MOB3B: variants seen among roughly 807,000 people sequenced by gnomAD.
MOB3B encodes the protein MOB kinase activator 3B.
A neutral mutation model predicts 18.7 loss-of-function variants in MOB3B; 7 were observed. That is an observed-to-expected ratio of 0.37 (90% CI 0.21 to 0.70). The LOEUF (loss-of-function observed/expected upper bound fraction) is 0.70. Among genes scored for constraint, MOB3B ranks in the 30% least tolerant of loss-of-function variants. MOB3B has a pLI of 0.52. For synonymous variants in MOB3B, 111 were observed against 99.9 expected (o/e 1.11, Z -0.66); for missense variants, 253 against 281.3 (o/e 0.90, Z 0.72).
chr9:27,360,334 T>C, intron 2 of MOB3B, among the ~76,000 whole-genome samples: 1 of 152,082 alleles, frequency 6.6e-6, no homozygotes, highest in East Asian at 1.9e-4. Flanking sequence ...TGAAACACTA[T>C]CTCTACTAAA....
At chr9:27,437,752 G>A (rs1427960725) in intron 2 of MOB3B, among the ~76,000 whole-genome samples, 1 of 152,144 alleles carries the variant, frequency 6.6e-6, no homozygotes, top group East Asian at 1.9e-4. Flanking sequence ...GGACACATCT[G>A]CCTGCCTTAT....
At chr9:27,522,433 ATATATATATATATGCATATGTC>A in intron 1 of MOB3B, among the ~76,000 whole-genome samples, 1 of 148,972 alleles carries the variant, frequency 6.7e-6, no homozygotes, top group South Asian at 2.1e-4. Context: ...ATATATATAT[ATATATATATATATGCATATGTC>A]TATATTTAAC....
intron 2 of MOB3B, among the ~76,000 whole-genome samples, chr9:27,435,480 C>T (rs1456414011): frequency 6.6e-6 from 1 of 152,172 alleles, no homozygotes; most frequent in African/African-American, 2.4e-5. Flanking sequence ...CCTTGCCCCT[C>T]CCCAGTCTGT....
intron 1 of MOB3B, among the ~76,000 whole-genome samples, chr9:27,495,083 C>T (rs572722486): frequency 3.6e-4 from 55 of 152,198 alleles, no homozygotes; most frequent in African/African-American, 1.3e-3. Context: ...AATTCCAGCA[C>T]TTTAGGAGGC....
chr9:27,496,439 T>C (rs562594002), intron 1 of MOB3B, among the ~76,000 whole-genome samples: 8 of 152,232 alleles, frequency 5.3e-5, no homozygotes, highest in Non-Finnish European at 1.2e-4. Context: ...GGGCCTGCCT[T>C]CCTATGGCTC....
At chr9:27,337,698 T>C (rs896430464) in intron 3 of MOB3B, among the ~76,000 whole-genome samples, 1 of 152,216 alleles carries the variant, frequency 6.6e-6, no homozygotes, top group Non-Finnish European at 1.5e-5. Flanking sequence ...TGGGCCCATT[T>C]GAAATCCTCT....
intron 3 of MOB3B, among the ~76,000 whole-genome samples, chr9:27,357,888 CAAAAAAAAAAAAAAAA>C (rs58851638): frequency 2.4e-4 from 14 of 57,966 alleles, no homozygotes; most frequent in South Asian, 1.2e-3. Context: ...CCCATCGCTA[CAAAAAAAAAAAAAAAA>C]AAAAAAAAAA....
intron 1 of MOB3B, among the ~76,000 whole-genome samples, chr9:27,491,560 T>C (rs1053809564): frequency 3.3e-5 from 5 of 152,202 alleles, no homozygotes; most frequent in Non-Finnish European, 5.9e-5. Context: ...TATTCTAAAT[T>C]AGAAAGATAA....
intron 1 of MOB3B, among the ~76,000 whole-genome samples, chr9:27,461,782 T>C (rs1399556417): frequency 6.6e-6 from 1 of 152,218 alleles, no homozygotes; most frequent in Non-Finnish European, 1.5e-5. Flanking sequence ...TTATACACTG[T>C]AGCAGCAGCA....
intron 1 of MOB3B, chr9:27,524,687 A>T: frequency 6.2e-7 from 1 of 1,614,072 alleles, no homozygotes; most frequent in Non-Finnish European, 8.5e-7. Flanking sequence ...TCCAAATAGG[A>T]CTTGATCAGC....
At chr9:27,504,114 A>G (rs748513617) in intron 1 of MOB3B, among the ~76,000 whole-genome samples, 1 of 152,248 alleles carries the variant, frequency 6.6e-6, no homozygotes, top group Non-Finnish European at 1.5e-5. Context: ...ATAGTGCTTC[A>G]TCATCTTTTG....
chr9:27,355,558 T>C (rs1821176706), intron 3 of MOB3B, among the ~76,000 whole-genome samples: 1 of 130,740 alleles, frequency 7.6e-6, no homozygotes, highest in Non-Finnish European at 1.6e-5. Context: ...TTTTTCTTTT[T>C]CTTCTTTTTT....
rs143115775 is a variant in MOB3B, at chr9:27,326,518, A to G, written c.*4069T>C. 24 of 398,474 alleles carry G rather than the reference A, an allele frequency of 6.0e-5. No homozygotes were observed. The highest frequency in any genetic ancestry group is 4.0e-4 in the Admixed American group (9 of 22,712). The allele number at this position is 398,474 out of a possible 1,614,324, so 24.7% of individuals were successfully genotyped here. ...GAATTCAAGATGTTGTGGAGGGTTC[A>G]GTGGGTTGGTTATACCAAAGAATGC... On this transcript the variant is annotated 3_prime_UTR_variant, in exon 4 of 4. Transcript: ENST00000262244.
chr9:27,334,220 T>C (rs542530812), intron 3 of MOB3B, among the ~76,000 whole-genome samples: 9 of 152,342 alleles, frequency 5.9e-5, no homozygotes, highest in South Asian at 2.1e-4. Context: ...TAAAGAAAAA[T>C]ATGGGTCCAA....
At chr9:27,511,241 A>T (rs1436703051) in intron 1 of MOB3B, among the ~76,000 whole-genome samples, 1 of 152,130 alleles carries the variant, frequency 6.6e-6, no homozygotes, top group Non-Finnish European at 1.5e-5. Context: ...AGAAAGAAAA[A>T]CATGAGACAC....
Position 27,515,454 on chromosome 9 carries a change from G to T in MOB3B, c.-199+14101C>A, listed in dbSNP as rs535775406. On this transcript the variant is annotated intron_variant, in intron 1 of 3. Transcript: ENST00000262244. Reference sequence around the variant, plus strand: ...TGGTTAAGTCGCTCAATAGTTCCCAGTTTCCATTTCCTCCTCTTTAAACTG... The same window carrying T: ...TGGTTAAGTCGCTCAATAGTTCCCATTTTCCATTTCCTCCTCTTTAAACTG... 3.3e-5 allele frequency among the ~76,000 whole-genome samples: 5 copies of T among 152,296 alleles called. No individual in the cohort carries two copies. In the South Asian group the frequency reaches 1.0e-3, roughly 32 times the overall value.
intron 1 of MOB3B, among the ~76,000 whole-genome samples, chr9:27,456,904 C>T (rs1169151951): frequency 6.6e-6 from 1 of 152,234 alleles, no homozygotes; most frequent in Non-Finnish European, 1.5e-5. Flanking sequence ...AGCTACCACA[C>T]TGGATGGCAC....
chr9:27,375,193 G>C lies in MOB3B; in HGVS notation c.419-15957C>G, dbSNP rs1220495248. Among the ~76,000 whole-genome samples the C allele has an allele frequency of 2.0e-5, 3 of 152,224 alleles. No homozygotes were observed. The East Asian group carries it at 5.8e-4, about 29-fold the overall frequency. Reference sequence around the variant, plus strand: ...GCCATACTGGAAAATCATTACCCTAGTAACACTGTCTTTGAGTACCTCATA... The same window carrying C: ...GCCATACTGGAAAATCATTACCCTACTAACACTGTCTTTGAGTACCTCATA... On this transcript the variant is annotated intron_variant, in intron 2 of 3. Coordinates refer to ENST00000262244, the MANE Select transcript of MOB3B (RefSeq NM_024761.5).
chr9:27,455,004 A>C, intron 2 of MOB3B, 129 bp downstream of exon 2: 2 of 970,930 alleles, frequency 2.1e-6, no homozygotes, highest in Admixed American at 4.6e-5. Context: ...CTTATATATC[A>C]CTCACTACAG....
Sources: allele counts gnomAD v4.1 joint callset (sites outside exome capture counted in the v4.1 genomes callset), GRCh38; gene constraint gnomAD v4.1.1; transcripts MANE v1.5; gene names NCBI Gene and HGNC (gene_info 2026-07-23, HGNC 2026-07-21).